Variants in PRR33 observed in about 807,000 individuals in gnomAD.
PRR33 encodes the protein proline rich 33.
PRR33 carries 1 observed loss-of-function variant against 0.5 expected under a neutral mutation model. That is an observed-to-expected ratio of 2.18 (90% CI 0.77 to 10.34). PRR33 has a LOEUF of 10.34. Ranked by LOEUF, PRR33 falls within the 30% of genes most tolerant of loss-of-function variation. The pLI is 0.13. For missense variants in PRR33, 552 were observed against 251.8 expected (o/e 2.19, Z -8.07); for synonymous variants, 226 against 110.0 (o/e 2.06, Z -6.60).
chr11:1,914,115 C>A, the PRR33 span, among the ~76,000 whole-genome samples: 1 of 152,396 alleles, frequency 6.6e-6, no homozygotes, highest in East Asian at 1.9e-4. Flanking sequence ...AATGAACACG[C>A]CTGGTTGGGC....
the PRR33 span, among the ~76,000 whole-genome samples, chr11:1,913,670 AGG>A: frequency 1.1e-4 from 16 of 152,214 alleles, no homozygotes; most frequent in Non-Finnish European, 2.1e-4. Context: ...TTGGCCGCAG[AGG>A]GCAGACAGTT....
chr11:1,894,716 T>C (rs1453169427), upstream of PRR33, among the ~76,000 whole-genome samples: 1 of 152,214 alleles, frequency 6.6e-6, no homozygotes, highest in African/African-American at 2.4e-5. Context: ...TGTTCGTCTC[T>C]TGGTGGACAT....
the PRR33 span, among the ~76,000 whole-genome samples, chr11:1,916,754 CT>C: frequency 6.6e-6 from 1 of 152,326 alleles, no homozygotes; most frequent in African/African-American, 2.4e-5. Flanking sequence ...GCCTGTCCCT[CT>C]GAGCTCTACC....
chr11:1,893,828 G>C (rs1295776070), upstream of PRR33, among the ~76,000 whole-genome samples: 4 of 150,980 alleles, frequency 2.6e-5, no homozygotes. Flanking sequence ...TGGATGTGTG[G>C]ATGGGTAGAT....
the PRR33 span, among the ~76,000 whole-genome samples, chr11:1,908,671 T>C: frequency 6.6e-6 from 1 of 152,216 alleles, no homozygotes; most frequent in African/African-American, 2.4e-5. Flanking sequence ...CGTTCCTGAA[T>C]TCTCTCATTC....
upstream of PRR33, among the ~76,000 whole-genome samples, chr11:1,896,459 A>T (rs1463564007): frequency 3.3e-5 from 5 of 152,250 alleles, no homozygotes; most frequent in South Asian, 8.3e-4. Flanking sequence ...TTACCATTTT[A>T]TAGAAACACA....
chr11:1,911,985 T>G, the PRR33 span, among the ~76,000 whole-genome samples: 1 of 114,032 alleles, frequency 8.8e-6, no homozygotes, highest in Non-Finnish European at 1.7e-5. Context: ...AGATAGTGAG[T>G]GAGACCCCAT....
chr11:1,890,873 C>T lies in PRR33; in HGVS notation c.-289G>A. ...TGCCTCCAGGGCTCTGTCCTCCATG[C>T]CACCCCAGCACAAAGCAGGCCCCAA... On this transcript the variant is annotated 5_prime_UTR_variant, in exon 1 of 1. It introduces an in-frame stop codon into an upstream open reading frame of the 5' UTR. Coordinates refer to ENST00000640310, the Ensembl canonical transcript of PRR33. 3 of 455,404 alleles carry T rather than the reference C, an allele frequency of 6.6e-6. No individual in the cohort carries two copies. Among genetic ancestry groups the T allele is most frequent in the Non-Finnish European group, 7.9e-6 (2 of 251,606 alleles). 28.2% of individuals were successfully genotyped at this position (455,404 alleles called of 1,614,324 possible).
At chr11:1,888,153 G>A (rs1848834299) in exon 1 of PRR33, among the ~76,000 whole-genome samples, 1 of 152,138 alleles carries the variant, frequency 6.6e-6, no homozygotes. Flanking sequence ...ACCACAGGGT[G>A]GGGCAGCTGT....
At chr11:1,896,458 T>C (rs1291739439), upstream of PRR33, among the ~76,000 whole-genome samples, 1 of 152,260 alleles carries the variant, frequency 6.6e-6, no homozygotes, top group Non-Finnish European at 1.5e-5. Flanking sequence ...ATTACCATTT[T>C]ATAGAAACAC....
chr11:1,917,178 G>A, the PRR33 span, among the ~76,000 whole-genome samples: 1 of 152,194 alleles, frequency 6.6e-6, no homozygotes, highest in Non-Finnish European at 1.5e-5. Flanking sequence ...CAGCTGGGCC[G>A]AGCGGCCTCA....
chr11:1,906,296 T>C, the PRR33 span, among the ~76,000 whole-genome samples: 495 of 152,356 alleles, frequency 3.2e-3, 2 homozygotes, highest in African/African-American at 0.011. Flanking sequence ...TTTTATTCGT[T>C]ACATCATCTT....
At chr11:1,902,064 C>T in the PRR33 span, among the ~76,000 whole-genome samples, 6 of 152,032 alleles carry the variant, frequency 3.9e-5, no homozygotes, top group East Asian at 1.2e-3. Context: ...GATCCCGTCT[C>T]TACTAAAAAT....
chr11:1,905,719 G>C, the PRR33 span, among the ~76,000 whole-genome samples: 1 of 151,944 alleles, frequency 6.6e-6, no homozygotes, highest in Non-Finnish European at 1.5e-5. Context: ...CTCCCAAGGT[G>C]CTGGGATTAC....
the PRR33 span, among the ~76,000 whole-genome samples, chr11:1,902,922 C>T: frequency 4.6e-5 from 7 of 152,232 alleles, no homozygotes; most frequent in African/African-American, 1.4e-4. Flanking sequence ...AACTTCCTGA[C>T]GTTGCCACGG....
At chr11:1,902,914 C>T in the PRR33 span, among the ~76,000 whole-genome samples, 1 of 152,142 alleles carries the variant, frequency 6.6e-6, no homozygotes, top group South Asian at 2.1e-4. Context: ...TACAGGGTAA[C>T]TTCCTGACGT....
the PRR33 span, among the ~76,000 whole-genome samples, chr11:1,909,835 T>C: frequency 7.2e-5 from 11 of 152,272 alleles, no homozygotes; most frequent in East Asian, 2.1e-3. Context: ...TTCATCTGAG[T>C]TGAGGGCTCT....
the PRR33 span, among the ~76,000 whole-genome samples, chr11:1,917,104 G>A: frequency 3.3e-5 from 5 of 152,380 alleles, no homozygotes; most frequent in South Asian, 1.0e-3. Flanking sequence ...TAGGGCTGGA[G>A]CAGCTCAGTT....
chr11:1,889,308 G>A (rs1015277947), exon 1 of PRR33: 7 of 706,758 alleles, frequency 9.9e-6, no homozygotes, highest in African/African-American at 1.8e-5. Context: ...GCTGGCTGGG[G>A]TGTGCTCCCC....
Sources: gnomAD v4.1 joint callset for allele counts (sites outside exome capture counted in the v4.1 genomes callset) on GRCh38, gnomAD v4.1.1 for gene constraint, MANE v1.5 for transcripts, NCBI Gene and HGNC (gene_info 2026-07-23, HGNC 2026-07-21) for gene names.